CSF1: variants seen among roughly 807,000 people sequenced by gnomAD.
The protein encoded by CSF1 is macrophage colony-stimulating factor 1.
A neutral mutation model predicts 48.9 loss-of-function variants in CSF1; 9 were observed. The ratio of observed to expected loss-of-function variants is 0.18; its 90% CI spans 0.11 to 0.32. The LOEUF (loss-of-function observed/expected upper bound fraction) is 0.32, where lower values mean the gene tolerates loss of function less well. Among genes scored for constraint, CSF1 ranks in the 10% least tolerant of loss-of-function variants. CSF1 has a pLI of 1.00. For synonymous variants in CSF1, 305 were observed against 284.1 expected, an observed-to-expected ratio of 1.07 and a Z score of -0.74; for missense variants, 672 against 697.9, an observed-to-expected ratio of 0.96 and a Z score of 0.42.
rs779131069 is a variant in CSF1 at position 109,921,879 on chromosome 1, C to T, written c.429C>T (p.Leu143=). 2.5e-6 allele frequency: 4 copies of T among 1,608,316 alleles called. No individual in the cohort carries two copies. The highest frequency in any genetic ancestry group is 3.4e-6 in the Non-Finnish European group (4 of 1,176,100). ...TCCGAACTTTCTATGAGACACCTCT[C>T]CAGTTGCTGGAGAAGGTCAAGAATG... ...ACVRTFYETP[L]QLLEKVKNVF... The change falls in exon 5 of 9, where the codon CTC becomes CTT. Residue 143 remains leucine, a synonymous_variant. Transcript: ENST00000329608.
chr1:109,923,229 C>A lies in CSF1; in HGVS notation c.608C>A (p.Ala203Asp). The part of the protein sequence containing the change: ...YPKAIPSSDP[A>D]SVSPHQPLAP... ...AAAGCCATCCCTAGCAGTGACCCGG[C>A]CTCTGTCTCCCCTCATCAGCCCCTC... The change falls in exon 6 of 9, where the codon GCC becomes GAC. Residue 203 changes from alanine to aspartate, a missense_variant. Physicochemically the swap from Ala to Asp is moderately radical, Grantham distance 126. Around this residue, in one of 3 missense-constraint regions of CSF1, gnomAD observed 591 missense variants for 593.6 expected, o/e 1.00. Coordinates refer to ENST00000329608, the MANE Select transcript of CSF1 (RefSeq NM_000757.6). 1 of 1,567,214 alleles carries A rather than the reference C, an allele frequency of 6.4e-7. No homozygotes were observed. The highest frequency in any genetic ancestry group is 8.6e-7 in the Non-Finnish European group (1 of 1,158,530).
At chr1:109,913,451 A>ACAGGGCAT (rs1481795031) in intron 1 of CSF1, among the ~76,000 whole-genome samples, 1 of 152,206 alleles carries the variant, frequency 6.6e-6, no homozygotes, top group Non-Finnish European at 1.5e-5. Context: ...AAGGGGAAAG[A>ACAGGGCAT]CAGGGCATCA....
At chr1:109,917,520 G>A (rs1236150383) in intron 4 of CSF1, 57 bp downstream of exon 4, 23 of 1,545,550 alleles carry the variant, frequency 1.5e-5, no homozygotes, top group African/African-American at 2.7e-5. Flanking sequence ...CTGTGGAGGC[G>A]CCGCTCTATC....
chr1:109,925,157 C>G lies in CSF1; in HGVS notation c.1633C>G (p.Gln545Glu), dbSNP rs757009727. 14 of 1,613,960 alleles carry G rather than the reference C, an allele frequency of 8.7e-6. No individual in the cohort carries two copies. In the Admixed American group the frequency reaches 2.3e-4, roughly 27 times the overall value. The change falls in exon 8 of 9, where the codon CAG (glutamine) becomes GAG (glutamate). Residue 545 changes from glutamine (Q) to glutamate (E), a missense_variant. By Grantham distance (29) the Gln-to-Glu change is conservative (BLOSUM62 2). Around this residue, in one of 3 missense-constraint regions of CSF1, gnomAD observed 591 missense variants for 593.6 expected, o/e 1.00. Coordinates refer to ENST00000329608, the MANE Select transcript of CSF1 (RefSeq NM_000757.6). ...GTGCTCTGCCTGCAGCCCCCTGACT[C>G]AGGATGACAGACAGGTGGAACTGCC... Reference protein sequence around the residue: ...LEQPEGSPLTQDDRQVELPV With the variant: ...LEQPEGSPLTEDDRQVELPV
At chr1:109,921,380 C>A (rs545219803) in intron 4 of CSF1, among the ~76,000 whole-genome samples, 1 of 152,360 alleles carries the variant, frequency 6.6e-6, no homozygotes, top group Admixed American at 6.5e-5. Flanking sequence ...GCCTGGACAG[C>A]TCTCTGGGAT....
chr1:109,923,365 T>C lies in CSF1; in HGVS notation c.744T>C (p.Ser248=). The change falls in exon 6 of 9, where the codon AGT becomes AGC. Residue 248 remains serine (S), a synonymous_variant. Coordinates refer to ENST00000329608, the MANE Select transcript of CSF1 (RefSeq NM_000757.6). ...EQPLHTVDPG[S]AKQRPPRSTC... ...CCCTGCACACAGTGGATCCAGGCAG[T>C]GCCAAGCAGCGGCCACCCAGGAGCA... 6.2e-7 allele frequency: 1 copy of C among 1,612,848 alleles called. No individual in the cohort carries two copies. Among genetic ancestry groups the C allele is most frequent in the Non-Finnish European group, 8.5e-7 (1 of 1,179,476 alleles).
chr1:109,924,107 T>C lies in CSF1; in HGVS notation c.1486T>C (p.Ser496Pro). Residue 496 changes from serine to proline, a missense_variant, in exon 6 of 9, where the codon TCT becomes CCT. This residue lies in a region of CSF1 where 591 missense variants were observed against 593.6 expected (regional missense o/e 1.00). Transcript: ENST00000329608. ...EGSFSPQLQE[S>P]VFHLLVPSVI... ...ATCCTTCAGCCCGCAGCTCCAGGAG[T>C]CTGTCTTCCACCTGCTGGTGCCCAG... The C allele has an allele frequency of 6.2e-7, 1 of 1,614,016 alleles. No individual in the cohort carries two copies. Among genetic ancestry groups the C allele is most frequent in the Non-Finnish European group, 8.5e-7 (1 of 1,180,002 alleles).
Position 109,917,453 on chromosome 1 carries a change from A to C in CSF1, c.386A>C (p.Glu129Ala). The C allele has an allele frequency of 1.2e-6, 2 of 1,614,108 alleles. No homozygotes were observed. The highest frequency in any genetic ancestry group is 1.7e-6 in the Non-Finnish European group (2 of 1,180,024). ...LKSCFTKDYEEHDKACVRTFY... is the reference protein window; with the variant it reads ...LKSCFTKDYEAHDKACVRTFY... ...AGCTGCTTCACCAAGGATTATGAAG[A>C]GCATGACAAGGTAGGAAGCCCTGAG... is the stretch of plus-strand genomic sequence containing the variant. Residue 129 changes from glutamate to alanine, a missense_variant, in exon 4 of 9, where the codon GAG becomes GCG. Glu to Ala is a moderately radical substitution (Grantham distance 107). This residue lies in a region of CSF1 where 591 missense variants were observed against 593.6 expected (regional missense o/e 1.00). Coordinates refer to ENST00000329608, the MANE Select transcript of CSF1 (RefSeq NM_000757.6).
rs768261769 is a variant in CSF1 at position 109,923,569 on chromosome 1, C to G, written c.948C>G (p.Pro316=). 2.9e-5 allele frequency: 46 copies of G among 1,614,030 alleles called. No homozygotes were observed. The highest frequency in any genetic ancestry group is 3.9e-5 in the Non-Finnish European group (46 of 1,180,024). The change falls in exon 6 of 9, where the codon CCC becomes CCG. Residue 316 remains proline (P), a synonymous_variant. Coordinates refer to ENST00000329608, the MANE Select transcript of CSF1 (RefSeq NM_000757.6). ...CCTCTGGAGAGGCCAGTGAGATTCCCGTACCCCAAGGGACAGAGCTTTCCC... is the reference window on the plus strand; with the variant it reads ...CCTCTGGAGAGGCCAGTGAGATTCCGGTACCCCAAGGGACAGAGCTTTCCC... The part of the protein sequence containing the change: ...EEASGEASEI[P]VPQGTELSPS...
Position 109,923,884 on chromosome 1 carries a change from T to C in CSF1, c.1263T>C (p.Ala421=), listed in dbSNP as rs1271094542. ...QGLSNPSTLS[A]QPQLSRSHSS... ...TCAGCAACCCCTCCACCCTCTCTGCTCAGCCACAGCTTTCCAGAAGCCACT... is the reference window on the plus strand; with the variant it reads ...TCAGCAACCCCTCCACCCTCTCTGCCCAGCCACAGCTTTCCAGAAGCCACT... Residue 421 remains alanine (A), a synonymous_variant, in exon 6 of 9, where the codon GCT becomes GCC. Coordinates refer to ENST00000329608, the MANE Select transcript of CSF1 (RefSeq NM_000757.6). 1.1e-5 allele frequency: 18 copies of C among 1,614,064 alleles called. No individual in the cohort carries two copies. The highest frequency in any genetic ancestry group is 1.3e-5 in the Non-Finnish European group (15 of 1,179,932).
chr1:109,919,005 T>C (rs1647390505), intron 4 of CSF1, among the ~76,000 whole-genome samples: 2 of 151,994 alleles, frequency 1.3e-5, no homozygotes, highest in Non-Finnish European at 2.9e-5. Flanking sequence ...GTCGAGGCAC[T>C]GCATTCCAAG....
intron 1 of CSF1, 39 bp from the exon 2 acceptor site, chr1:109,914,220 A>G: frequency 6.4e-7 from 1 of 1,564,852 alleles, no homozygotes. Context: ...AACTGGGGAG[A>G]GTGAGACCTG....
At chr1:109,913,055 C>G (rs1654759049) in intron 1 of CSF1, among the ~76,000 whole-genome samples, 1 of 152,236 alleles carries the variant, frequency 6.6e-6, no homozygotes, top group African/African-American at 2.4e-5. Context: ...TCCCTGGTCA[C>G]CCAGCCAGAG....
chr1:109,923,928 C>A lies in CSF1; in HGVS notation c.1307C>A (p.Pro436His), dbSNP rs533460933. The A allele has an allele frequency of 1.9e-6, 3 of 1,614,182 alleles. No homozygotes were observed. The African/African-American group carries it at 4.0e-5, about 22-fold the overall frequency. Reference protein sequence around the residue: ...SRSHSSGSVLPLGELEGRRST... With the variant: ...SRSHSSGSVLHLGELEGRRST... ...AGCCACTCCTCGGGCAGCGTGCTGC[C>A]CCTTGGGGAGCTGGAGGGCAGGAGG... Residue 436 changes from proline (P) to histidine (H), a missense_variant, in exon 6 of 9, where the codon CCC (proline) becomes CAC (histidine). Transcript: ENST00000329608.
chr1:109,921,952 A>T lies in CSF1; in HGVS notation c.502A>T (p.Ser168Cys). ...CCTTGACAAGGACTGGAATATTTTC[A>T]GCAAGAACTGCAACAACAGCTTTGC... ...NLLDKDWNIF[S>C]KNCNNSFAEC... The change falls in exon 5 of 9, where the codon AGC (serine) becomes TGC (cysteine). Residue 168 changes from serine (S) to cysteine (C), a missense_variant. Coordinates refer to ENST00000329608, the MANE Select transcript of CSF1 (RefSeq NM_000757.6). The T allele has an allele frequency of 6.2e-7, 1 of 1,610,356 alleles. No homozygotes were observed. Among genetic ancestry groups the T allele is most frequent in the Non-Finnish European group, 8.5e-7 (1 of 1,177,848 alleles).
intron 8 of CSF1, among the ~76,000 whole-genome samples, chr1:109,927,150 C>G (rs1467448178): frequency 7.4e-6 from 1 of 135,432 alleles, no homozygotes; most frequent in African/African-American, 3.3e-5. Context: ...GATTGCCTGA[C>G]TAATTGGCTG....
At position 109,923,872 on chromosome 1, in the gene CSF1, C is replaced by T. The variant is rs779288994; in HGVS notation, c.1251C>T (p.Ser417=). Reference sequence around the variant, plus strand: ...GCCCCCAGGGCCTCAGCAACCCCTCCACCCTCTCTGCTCAGCCACAGCTTT... The same window carrying T: ...GCCCCCAGGGCCTCAGCAACCCCTCTACCCTCTCTGCTCAGCCACAGCTTT... ...SLRPQGLSNP[S]TLSAQPQLSR... The change falls in exon 6 of 9, where the codon TCC becomes TCT. Residue 417 remains serine, a synonymous_variant. Transcript: ENST00000329608. The T allele has an allele frequency of 7.4e-6, 12 of 1,613,940 alleles. No homozygotes were observed. In the Admixed American group the frequency reaches 1.8e-4, roughly 25 times the overall value.
intron 2 of CSF1, among the ~76,000 whole-genome samples, chr1:109,914,834 C>T (rs961004941): frequency 6.6e-6 from 1 of 152,260 alleles, no homozygotes; most frequent in African/African-American, 2.4e-5. Context: ...AGGGGAAGCG[C>T]TTGCCTAACT....
chr1:109,911,653 G>C (rs926798414), intron 1 of CSF1, among the ~76,000 whole-genome samples: 5 of 152,200 alleles, frequency 3.3e-5, no homozygotes, highest in African/African-American at 1.2e-4. Flanking sequence ...GGTGGGGTGG[G>C]GGACGGCAAC....
Sources: gnomAD v4.1 joint callset for allele counts (sites outside exome capture counted in the v4.1 genomes callset) on GRCh38, gnomAD v4.1.1 for gene constraint, gnomAD v4.1.1 regional missense constraint, MANE v1.5 for transcripts, NCBI Gene and HGNC (gene_info 2026-07-23, HGNC 2026-07-21) for gene names.